The following GRWD1 variants were observed in gnomAD, a reference collection of about 807,000 sequenced individuals.
The protein encoded by GRWD1 is glutamate rich WD repeat containing 1, also known as glutamate-rich WD repeat-containing protein 1.
GRWD1 carries 29 observed loss-of-function variants against 45.3 expected under a neutral mutation model. That is an observed-to-expected ratio of 0.64 (90% CI 0.48 to 0.87). GRWD1 has a LOEUF of 0.87. Among genes scored for constraint, GRWD1 ranks in the 40% least tolerant of loss-of-function variants. GRWD1 has a pLI of 0.00. For missense variants in GRWD1, 592 were observed against 618.8 expected, an observed-to-expected ratio of 0.96 and a Z score of 0.46; for synonymous variants, 262 against 257.6, an observed-to-expected ratio of 1.02 and a Z score of -0.16.
At chr19:48,446,613 T>A in intron 2 of GRWD1, 68 bp from the exon 3 acceptor site, 1 of 1,549,446 alleles carries the variant, frequency 6.5e-7, no homozygotes, top group Non-Finnish European at 8.8e-7. Flanking sequence ...GGAGTCTGGG[T>A]TTCCAGCCTC....
intron 3 of GRWD1, among the ~76,000 whole-genome samples, chr19:48,447,676 C>T (rs924978621): frequency 6.6e-6 from 1 of 152,214 alleles, no homozygotes; most frequent in Non-Finnish European, 1.5e-5. Context: ...CCACCACACC[C>T]GGCCTCCTTC....
intron 6 of GRWD1, 98 bp downstream of exon 6, chr19:48,451,329 C>A: frequency 9.1e-7 from 1 of 1,096,720 alleles, no homozygotes; most frequent in Non-Finnish European, 1.3e-6. Context: ...TTTACACAAC[C>A]AGAGCTGGAG....
In GRWD1 at chr19:48,450,573, G is replaced by T; in HGVS notation, c.682+47G>T. 2 of 1,610,898 alleles carry T rather than the reference G, an allele frequency of 1.2e-6. No individual in the cohort carries two copies. The highest frequency in any genetic ancestry group is 2.7e-5 in the African/African-American group (2 of 74,962). ...GAGTCCCGGGAGGTCGGGGGAGCAG[G>T]GTCTGCAACAAGGGGCCGGGCGCTT... is the stretch of plus-strand genomic sequence containing the variant. On this transcript the variant is annotated intron_variant, in intron 4 of 6. Transcript: ENST00000253237. The surrounding 1 kb of genome is among the most constrained non-coding windows in gnomAD (Gnocchi z 5.1).
At chr19:48,451,880 A>G (rs1971479115) in intron 6 of GRWD1, among the ~76,000 whole-genome samples, 2 of 152,144 alleles carry the variant, frequency 1.3e-5, no homozygotes, top group South Asian at 4.1e-4. Flanking sequence ...ACCAGGTCAC[A>G]CAGGGCCCAG....
chr19:48,451,336 G>A, intron 6 of GRWD1, 105 bp downstream of exon 6: 1 of 1,025,960 alleles, frequency 9.7e-7, no homozygotes, highest in Non-Finnish European at 1.4e-6. Flanking sequence ...AACCAGAGCT[G>A]GAGAGCCCTT....
At chr19:48,448,107 A>G (rs1971431861) in intron 3 of GRWD1, among the ~76,000 whole-genome samples, 1 of 152,150 alleles carries the variant, frequency 6.6e-6, no homozygotes, top group African/African-American at 2.4e-5. Context: ...GCACACCACC[A>G]TGCCCAGTAA....
At chr19:48,447,981 C>T (rs1209322129) in intron 3 of GRWD1, among the ~76,000 whole-genome samples, 1 of 152,092 alleles carries the variant, frequency 6.6e-6, no homozygotes, top group Non-Finnish European at 1.5e-5. Context: ...GTCATGGTTT[C>T]ACTCCCATTG....
chr19:48,447,316 A>G (rs945042546), intron 3 of GRWD1, among the ~76,000 whole-genome samples: 6 of 151,392 alleles, frequency 4.0e-5, no homozygotes, highest in African/African-American at 1.5e-4. Context: ...GCATGATCTC[A>G]GCTCACTGCA....
Position 48,446,711 on chromosome 19 carries a change from T to C in GRWD1, c.336T>C (p.His112=), listed in dbSNP as rs1181186144. 6.2e-7 allele frequency: 1 copy of C among 1,608,926 alleles called. No homozygotes were observed. Among genetic ancestry groups the C allele is most frequent in the Non-Finnish European group, 8.5e-7 (1 of 1,177,442 alleles). Residue 112 remains histidine, a synonymous_variant, in exon 3 of 7, where the codon CAT becomes CAC. Transcript: ENST00000253237. Reference sequence around the variant, plus strand: ...TGATGCTTCGGATGCACAATCTGCATGGGACAAAGCCCCCACCCTCAGAGG... The same window carrying C: ...TGATGCTTCGGATGCACAATCTGCACGGGACAAAGCCCCCACCCTCAGAGG... ...RLMMLRMHNL[H]GTKPPPSEGS... is the part of the protein sequence containing the mutation.
At position 48,456,793 on chromosome 19, in the gene GRWD1, C is replaced by G. The variant is rs947077769; in HGVS notation, c.*3768C>G. The stretch of plus-strand genomic sequence containing the variant: ...TCCATGCCCAGCCCTTTCCTTTGGT[C>G]CACCCTGACAGGCTGCTGCGATTCC... On this transcript the variant is annotated 3_prime_UTR_variant, in exon 7 of 7. Coordinates refer to ENST00000253237, the MANE Select transcript of GRWD1 (RefSeq NM_031485.4). The G allele has an allele frequency of 6.6e-6, 1 of 152,030 alleles. No homozygotes were observed. Among genetic ancestry groups the G allele is most frequent in the African/African-American group, 2.4e-5 (1 of 41,396 alleles). The allele number at this position is 152,030 out of a possible 1,614,324, so 9.4% of individuals were successfully genotyped here.
Position 48,450,871 on chromosome 19 carries a change from C to T in GRWD1, c.825+63C>T. 6.5e-7 allele frequency: 1 copy of T among 1,544,016 alleles called. No homozygotes were observed. Among genetic ancestry groups the T allele is most frequent in the Non-Finnish European group, 8.8e-7 (1 of 1,133,014 alleles). ...GGATTCTAGGCCAGGGACCTAGAAT[C>T]CTAGGTCTGAGGGAAAAGAGGGCTG... On this transcript the variant is annotated intron_variant, in intron 5 of 6. Transcript: ENST00000253237. This position sits in a 1 kb window ranked among gnomAD's most constrained non-coding sequence, Gnocchi z 5.1.
chr19:48,446,712 G>A lies in GRWD1; in HGVS notation c.337G>A (p.Gly113Arg). The change falls in exon 3 of 7, where the codon GGG becomes AGG. Residue 113 changes from glycine (G) to arginine (R), a missense_variant. Coordinates refer to ENST00000253237, the MANE Select transcript of GRWD1 (RefSeq NM_031485.4). ...LMMLRMHNLHGTKPPPSEGSD... is the reference protein window; with the variant it reads ...LMMLRMHNLHRTKPPPSEGSD... Reference sequence around the variant, plus strand: ...GATGCTTCGGATGCACAATCTGCATGGGACAAAGCCCCCACCCTCAGAGGG... The same window carrying A: ...GATGCTTCGGATGCACAATCTGCATAGGACAAAGCCCCCACCCTCAGAGGG... The A allele has an allele frequency of 2.5e-6, 4 of 1,608,842 alleles. No homozygotes were observed. Among genetic ancestry groups the A allele is most frequent in the Non-Finnish European group, 2.5e-6 (3 of 1,177,410 alleles).
rs1471435655 is a variant in GRWD1, at chr19:48,446,171, C to T, written c.166C>T (p.Leu56Phe). Residue 56 changes from leucine (L) to phenylalanine (F), a missense_variant, in exon 1 of 7, where the codon CTC (leucine) becomes TTC (phenylalanine). Physicochemically the swap from Leu to Phe is conservative, Grantham distance 22. Coordinates refer to ENST00000253237, the MANE Select transcript of GRWD1 (RefSeq NM_031485.4). ...GGTCATGGACGAGGAGGCCTATGTG[C>T]TCTACCACCGAGCGCAGACTGGTAG... is the stretch of plus-strand genomic sequence containing the variant. ...ELVMDEEAYV[L>F]YHRAQTGAPC... 7 of 1,603,242 alleles carry T rather than the reference C, an allele frequency of 4.4e-6. No homozygotes were observed. Among genetic ancestry groups the T allele is most frequent in the Non-Finnish European group, 5.9e-6 (7 of 1,176,994 alleles).
At chr19:48,448,104 A>G (rs565517426) in intron 3 of GRWD1, among the ~76,000 whole-genome samples, 1 of 152,208 alleles carries the variant, frequency 6.6e-6, no homozygotes, top group Non-Finnish European at 1.5e-5. Flanking sequence ...AGTGCACACC[A>G]CCATGCCCAG....
chr19:48,451,267 G>T (rs1435517526), intron 6 of GRWD1, 36 bp downstream of exon 6: 1 of 1,512,246 alleles, frequency 6.6e-7, no homozygotes, highest in African/African-American at 1.4e-5. Flanking sequence ...GGCTAGAGAA[G>T]CTTGCTCCCA....
Position 48,452,600 on chromosome 19 carries a change from G to A in GRWD1, c.1024-108G>A. Reference sequence around the variant, plus strand: ...GGCTTGTGAGGGCTTAAGGGGTGGGGCCCTGGCTGAACCCTGAGGCTGGAG... The same window carrying A: ...GGCTTGTGAGGGCTTAAGGGGTGGGACCCTGGCTGAACCCTGAGGCTGGAG... On this transcript the variant is annotated intron_variant, in intron 6 of 6. Coordinates refer to ENST00000253237, the MANE Select transcript of GRWD1 (RefSeq NM_031485.4). The surrounding 1 kb of genome is among the most constrained non-coding windows in gnomAD (Gnocchi z 5.1). The A allele has an allele frequency of 3.2e-6, 3 of 925,648 alleles. No individual in the cohort carries two copies. Among genetic ancestry groups the A allele is most frequent in the Middle Eastern group, 3.4e-4 (1 of 2,910 alleles). The allele number at this position is 925,648 out of a possible 1,614,324, so 57.3% of individuals were successfully genotyped here. A position where few individuals can be genotyped will look rare whatever the true frequency, so the allele number is the denominator to read the frequency against.
At position 48,456,987 on chromosome 19, in the gene GRWD1, C is replaced by T. The variant is rs1971546611; in HGVS notation, c.*3962C>T. ...TTACAGGTGTGAGCCACCGCACCTGCCCTCTTTTTTTTTTTTTTTTCTTTA... is the reference window on the plus strand; with the variant it reads ...TTACAGGTGTGAGCCACCGCACCTGTCCTCTTTTTTTTTTTTTTTTCTTTA... On this transcript the variant is annotated 3_prime_UTR_variant, in exon 7 of 7. Transcript: ENST00000253237. 1 of 145,298 alleles carries T rather than the reference C, an allele frequency of 6.9e-6. No homozygotes were observed. The highest frequency in any genetic ancestry group is 2.7e-5 in the African/African-American group (1 of 36,520). 9.0% of individuals were successfully genotyped at this position (145,298 alleles called of 1,614,324 possible). A position where few individuals can be genotyped will look rare whatever the true frequency, so the allele number is the denominator to read the frequency against.
rs1971495479 is a variant in GRWD1 at position 48,453,102 on chromosome 19, C to T, written c.*77C>T. ...TGGGCTCCCCTGGAAGGGGTTCATT[C>T]AGGTCTGTTGACTGAGACTGGCCGG... On this transcript the variant is annotated 3_prime_UTR_variant, in exon 7 of 7. Transcript: ENST00000253237. 7 of 1,359,722 alleles carry T rather than the reference C, an allele frequency of 5.1e-6. No homozygotes were observed. The African/African-American group carries it at 8.7e-5, about 17-fold the overall frequency. 84.2% of individuals were successfully genotyped at this position (1,359,722 alleles called of 1,614,324 possible).
chr19:48,451,216 C>A lies in GRWD1; in HGVS notation c.1008C>A (p.Asp336Glu). Residue 336 changes from aspartate (D) to glutamate (E), a missense_variant, in exon 6 of 7, where the codon GAC becomes GAA. Transcript: ENST00000253237. ...ATGATGGGGCCCTCAAGATCTGGGACCTTCGGCAGTTCAAGGTATTTTCCC... is the reference window on the plus strand; with the variant it reads ...ATGATGGGGCCCTCAAGATCTGGGAACTTCGGCAGTTCAAGGTATTTTCCC... ...GGDDGALKIW[D>E]LRQFKSGSPV... 1 of 1,595,950 alleles carries A rather than the reference C, an allele frequency of 6.3e-7. No individual in the cohort carries two copies. Among genetic ancestry groups the A allele is most frequent in the Non-Finnish European group, 8.6e-7 (1 of 1,167,950 alleles).
Sources: gnomAD v4.1 joint callset for allele counts (sites outside exome capture counted in the v4.1 genomes callset) on GRCh38, gnomAD v4.1.1 for gene constraint, Gnocchi (gnomAD v3.1) non-coding constraint, MANE v1.5 for transcripts, NCBI Gene and HGNC (gene_info 2026-07-23, HGNC 2026-07-21) for gene names.